TNFSF4: variants seen among roughly 807,000 people sequenced by gnomAD.
TNFSF4 encodes tumor necrosis factor ligand superfamily member 4.
In TNFSF4, 4 loss-of-function variants were observed where a neutral mutation model predicts 7.3. The ratio of observed to expected loss-of-function variants is 0.55; its 90% CI spans 0.27 to 1.25. TNFSF4 has a LOEUF of 1.25. Among genes scored for constraint, TNFSF4 ranks in the 50% most tolerant of loss-of-function variants. The pLI is 0.12. For synonymous variants in TNFSF4, 76 were observed against 83.7 expected (o/e 0.91, Z 0.50); for missense variants, 181 against 208.8 (o/e 0.87, Z 0.82).
At chr1:173,303,422 A>T in the TNFSF4 span, among the ~76,000 whole-genome samples, 1 of 151,822 alleles carries the variant, frequency 6.6e-6, no homozygotes. Flanking sequence ...AAGCTGTCTT[A>T]TCTGTGTTTT....
the TNFSF4 span, among the ~76,000 whole-genome samples, chr1:173,289,191 G>T: frequency 6.6e-6 from 1 of 152,100 alleles, no homozygotes; most frequent in Non-Finnish European, 1.5e-5. Flanking sequence ...TATGCAATGT[G>T]GTCCCCTTGA....
chr1:173,180,830 G>A (rs759046229), downstream of TNFSF4, among the ~76,000 whole-genome samples: 4 of 152,272 alleles, frequency 2.6e-5, no homozygotes, highest in East Asian at 1.9e-4. Context: ...TTAGGGATAC[G>A]ATGAACAATA....
the TNFSF4 span, among the ~76,000 whole-genome samples, chr1:173,375,417 G>A: frequency 6.6e-6 from 1 of 152,214 alleles, no homozygotes; most frequent in Non-Finnish European, 1.5e-5. Flanking sequence ...TGTTTAGAGA[G>A]GGGATTGAGA....
At chr1:173,267,365 G>A in the TNFSF4 span, among the ~76,000 whole-genome samples, 1 of 152,048 alleles carries the variant, frequency 6.6e-6, no homozygotes, top group Non-Finnish European at 1.5e-5. Context: ...AAAACAAAAG[G>A]CCATTGTGCA....
chr1:173,250,446 T>C, the TNFSF4 span, among the ~76,000 whole-genome samples: 1 of 151,696 alleles, frequency 6.6e-6, no homozygotes, highest in African/African-American at 2.4e-5. Context: ...ATCTCCAGTT[T>C]CATTTTTTGT....
chr1:173,189,524 T>C (rs1207995660), intron 1 of TNFSF4, among the ~76,000 whole-genome samples: 2 of 152,130 alleles, frequency 1.3e-5, no homozygotes, highest in South Asian at 4.1e-4. Context: ...CAGTATTCAA[T>C]TGCTAAAAGA....
the TNFSF4 span, among the ~76,000 whole-genome samples, chr1:173,423,027 G>A: frequency 0.79 from 120,411 of 151,468 alleles, 47,913 homozygotes; most frequent in South Asian, 0.88. Context: ...GGAGTGCAGC[G>A]GTGAGATCTC....
At chr1:173,330,511 G>T in the TNFSF4 span, among the ~76,000 whole-genome samples, 6 of 152,184 alleles carry the variant, frequency 3.9e-5, no homozygotes, top group Non-Finnish European at 8.8e-5. Flanking sequence ...ATCTGGAAAA[G>T]GTCAAAGCAT....
At chr1:173,426,406 G>A in the TNFSF4 span, among the ~76,000 whole-genome samples, 1 of 152,088 alleles carries the variant, frequency 6.6e-6, no homozygotes, top group African/African-American at 2.4e-5. Context: ...AAAATACTCA[G>A]CATGTCAAAA....
At chr1:173,192,050 A>G (rs1649508401) in intron 1 of TNFSF4, among the ~76,000 whole-genome samples, 1 of 152,158 alleles carries the variant, frequency 6.6e-6, no homozygotes, top group Non-Finnish European at 1.5e-5. Flanking sequence ...GGTGGTATGC[A>G]CCTGTAATCT....
chr1:173,198,594 G>A (rs575335705), intron 1 of TNFSF4, among the ~76,000 whole-genome samples: 1 of 152,276 alleles, frequency 6.6e-6, no homozygotes, highest in South Asian at 2.1e-4. Context: ...ACTCCAGCCT[G>A]GGTGACAGAG....
chr1:173,186,699 C>T lies in TNFSF4; in HGVS notation c.369G>A (p.Glu123=), dbSNP rs779607718. 28 of 1,614,018 alleles carry T rather than the reference C, an allele frequency of 1.7e-5. No individual in the cohort carries two copies. The Admixed American group carries it at 2.3e-4, about 13-fold the overall frequency. ...CCTTCTTCAGTTGGAAGAGGGGCTCCTCATCCTTCTGGTAATGAAGGCTAA... is the reference window on the plus strand; with the variant it reads ...CCTTCTTCAGTTGGAAGAGGGGCTCTTCATCCTTCTGGTAATGAAGGCTAA... ...VNISLHYQKD[E]EPLFQLKKVR... is the part of the protein sequence containing the mutation. Residue 123 remains glutamate, a synonymous_variant, in exon 3 of 3, where the codon GAG becomes GAA. Transcript: ENST00000281834.
At chr1:173,426,080 G>T in the TNFSF4 span, among the ~76,000 whole-genome samples, 19 of 152,216 alleles carry the variant, frequency 1.2e-4, no homozygotes, top group Non-Finnish European at 1.9e-4. Flanking sequence ...ATCAATAGAA[G>T]TTTATATACT....
At chr1:173,287,148 T>A in the TNFSF4 span, among the ~76,000 whole-genome samples, 1 of 151,942 alleles carries the variant, frequency 6.6e-6, no homozygotes, top group African/African-American at 2.4e-5. Flanking sequence ...CCAGATCCGA[T>A]GCCCCCTGAT....
At chr1:173,265,202 A>G in the TNFSF4 span, among the ~76,000 whole-genome samples, 1 of 152,236 alleles carries the variant, frequency 6.6e-6, no homozygotes, top group Non-Finnish European at 1.5e-5. Context: ...TATAAAGGAC[A>G]AAGAGACCAA....
At chr1:173,311,770 G>C in the TNFSF4 span, among the ~76,000 whole-genome samples, 1 of 152,072 alleles carries the variant, frequency 6.6e-6, no homozygotes, top group Admixed American at 6.6e-5. Flanking sequence ...TACTGATGAA[G>C]CTTACCATCA....
At chr1:173,257,671 G>A in the TNFSF4 span, among the ~76,000 whole-genome samples, 4 of 152,212 alleles carry the variant, frequency 2.6e-5, no homozygotes, top group Non-Finnish European at 5.9e-5. Flanking sequence ...AGATCTGGGA[G>A]GGTTCCAAAC....
chr1:173,216,007 G>T, the TNFSF4 span, among the ~76,000 whole-genome samples: 1 of 152,150 alleles, frequency 6.6e-6, no homozygotes, highest in South Asian at 2.1e-4. Flanking sequence ...TCAAAATCCA[G>T]ATTTTAAAAA....
At chr1:173,321,012 T>G in the TNFSF4 span, among the ~76,000 whole-genome samples, 3 of 152,234 alleles carry the variant, frequency 2.0e-5, no homozygotes, top group Middle Eastern at 6.8e-3. Context: ...AAAGAGCCCA[T>G]ATAGCCAAGA....
Sources: gnomAD v4.1 joint callset for allele counts (sites outside exome capture counted in the v4.1 genomes callset) on GRCh38, gnomAD v4.1.1 for gene constraint, MANE v1.5 for transcripts, NCBI Gene and HGNC (gene_info 2026-07-23, HGNC 2026-07-21) for gene names.